Variants in DAB1 observed in about 807,000 individuals in gnomAD.
The protein encoded by DAB1 is DAB adaptor protein 1, also known as disabled homolog 1.
DAB1 carries 15 observed loss-of-function variants against 64.6 expected under a neutral mutation model. The ratio of observed to expected loss-of-function variants is 0.23; its 90% CI spans 0.16 to 0.36. The LOEUF (loss-of-function observed/expected upper bound fraction) is 0.36. DAB1 is among the 10% of genes least tolerant of loss of function. The pLI is 1.00. For missense variants in DAB1, 596 were observed against 706.7 expected, an observed-to-expected ratio of 0.84 and a Z score of 1.78; for synonymous variants, 235 against 251.9, an observed-to-expected ratio of 0.93 and a Z score of 0.64.
At chr1:57,520,210 G>C (rs1327879809) in intron 7 of DAB1, among the ~76,000 whole-genome samples, 2 of 152,164 alleles carry the variant, frequency 1.3e-5, no homozygotes, top group Non-Finnish European at 2.9e-5. Flanking sequence ...TGCTTCCCAA[G>C]AAGGGTTAAT....
chr1:58,151,450 G>C (rs1313321302), intron 4 of DAB1, among the ~76,000 whole-genome samples: 4 of 152,142 alleles, frequency 2.6e-5, no homozygotes, highest in Non-Finnish European at 4.4e-5. Context: ...CCAGTGATGA[G>C]AGCATTTTTT....
intron 1 of DAB1, among the ~76,000 whole-genome samples, chr1:57,854,009 T>C (rs189391397): frequency 2.6e-5 from 4 of 152,172 alleles, no homozygotes; most frequent in African/African-American, 7.2e-5. Context: ...TCAACACATA[T>C]ATAGAGTAAA....
chr1:58,274,487 G>A (rs917313974), intron 4 of DAB1, among the ~76,000 whole-genome samples: 1 of 137,046 alleles, frequency 7.3e-6, no homozygotes, highest in African/African-American at 2.8e-5. Context: ...CCCAGAGGTG[G>A]AGCCTACAGA....
chr1:57,244,222 G>A (rs750931018), intron 2 of DAB1, among the ~76,000 whole-genome samples: 14 of 152,010 alleles, frequency 9.2e-5, no homozygotes, highest in Admixed American at 1.3e-4. Flanking sequence ...TACCATGTTC[G>A]ATTCTCCGAA....
At chr1:58,469,750 T>C (rs1645335807) in intron 3 of DAB1, among the ~76,000 whole-genome samples, 1 of 152,244 alleles carries the variant, frequency 6.6e-6, no homozygotes, top group Admixed American at 6.5e-5. Context: ...GGGATTTGTC[T>C]TGCTGGAAAC....
Position 57,062,898 on chromosome 1 carries a change from T to G in DAB1, c.709A>C (p.Ser237Arg). 1 of 1,613,760 alleles carries G rather than the reference T, an allele frequency of 6.2e-7. No individual in the cohort carries two copies. The highest frequency in any genetic ancestry group is 8.5e-7 in the Non-Finnish European group (1 of 1,179,646). ...GATGTACTTACACTTACAGGTTGAC[T>G]TTTTGGCACATCATAAACACCTTCC... The part of the protein sequence containing the change: ...KKEGVYDVPK[S>R]QPVSAVTQLE... Residue 237 changes from serine (S) to arginine (R), a missense_variant, in exon 9 of 15, where the codon AGT becomes CGT. Transcript: ENST00000371236.
At chr1:58,321,127 G>C (rs1662672517) in intron 4 of DAB1, among the ~76,000 whole-genome samples, 1 of 152,080 alleles carries the variant, frequency 6.6e-6, no homozygotes, top group Non-Finnish European at 1.5e-5. Context: ...ATCCCCTCTT[G>C]CCTTCTCAGA....
At chr1:57,211,018 G>T (rs919339294) in intron 2 of DAB1, among the ~76,000 whole-genome samples, 3 of 152,030 alleles carry the variant, frequency 2.0e-5, no homozygotes, top group African/African-American at 7.3e-5. Context: ...TTTACACCTG[G>T]GTGCATTTCA....
intron 2 of DAB1, among the ~76,000 whole-genome samples, chr1:57,167,051 A>G (rs995566059): frequency 6.6e-5 from 10 of 152,224 alleles, no homozygotes; most frequent in Admixed American, 5.9e-4. Flanking sequence ...ATTATTACAT[A>G]GTCATAACTG....
intron 4 of DAB1, chr1:58,228,817 G>T: frequency 1.4e-6 from 1 of 701,288 alleles, no homozygotes; most frequent in South Asian, 1.4e-5. Context: ...ATCCAGTCCA[G>T]GTAGACATAA....
At chr1:57,385,382 G>A (rs771830262) in intron 1 of DAB1, among the ~76,000 whole-genome samples, 59 of 152,316 alleles carry the variant, frequency 3.9e-4, no homozygotes, top group Admixed American at 1.5e-3. Context: ...GCAAGAAGAC[G>A]TGTGGCAGGA....
At chr1:57,988,317 G>GC (rs985378750) in intron 5 of DAB1, among the ~76,000 whole-genome samples, 17 of 152,140 alleles carry the variant, frequency 1.1e-4, no homozygotes, top group South Asian at 2.1e-4. Flanking sequence ...TACCAATTCT[G>GC]CCCCCCCACT....
chr1:58,123,910 TAC>T (rs749159861), intron 5 of DAB1, among the ~76,000 whole-genome samples: 59 of 151,712 alleles, frequency 3.9e-4, no homozygotes, highest in African/African-American at 1.4e-3. Flanking sequence ...CATATACTAA[TAC>T]ACACACACAC....
At chr1:58,335,304 A>C (rs60822172) in intron 4 of DAB1, among the ~76,000 whole-genome samples, 129 of 152,362 alleles carry the variant, frequency 8.5e-4, no homozygotes, top group African/African-American at 2.9e-3. Context: ...AGAGGGAAAA[A>C]GAATTAAATG....
At chr1:57,647,912 T>G (rs1449035037) in intron 7 of DAB1, among the ~76,000 whole-genome samples, 2 of 152,204 alleles carry the variant, frequency 1.3e-5, no homozygotes, top group Non-Finnish European at 2.9e-5. Context: ...AAGCTTTTAC[T>G]CCATTGCTCT....
chr1:58,070,935 T>A lies in DAB1; in HGVS notation n.387+79576A>T, dbSNP rs549441298. 2.0e-5 allele frequency among the ~76,000 whole-genome samples: 3 copies of A among 152,238 alleles called. No homozygotes were observed. In the South Asian group the frequency reaches 6.2e-4, roughly 32 times the overall value. The stretch of plus-strand genomic sequence containing the variant: ...GTCAGGTGCCTGAGAGTGATCCAGG[T>A]GGAGACGCCCAGTTCACAAGTTTCC... On this transcript the variant is annotated intron_variant and non_coding_transcript_variant, in intron 5 of 20. Coordinates refer to the DAB1 transcript ENST00000485760.
rs75667605 is a variant in DAB1, at chr1:58,238,064, C to T, written n.310-87476G>A. Among the ~76,000 whole-genome samples the T allele has an allele frequency of 3.8e-3, 581 of 152,264 alleles. 3 individuals are homozygous for T. Among genetic ancestry groups the T allele is most frequent in the Middle Eastern group, 0.017 (5 of 294 alleles). ...AAAGCCCATGTCCTTTGGCAGTACC[C>T]CGTAATTCATTATTGTATTCATTTG... On this transcript the variant is annotated intron_variant and non_coding_transcript_variant, in intron 4 of 20. Transcript: ENST00000485760.
chr1:57,389,505 G>C (rs1778032), intron 1 of DAB1, among the ~76,000 whole-genome samples: 60,491 of 151,866 alleles, frequency 0.4, 12,509 homozygotes, highest in African/African-American at 0.43. Flanking sequence ...TAGTTCCTGT[G>C]GCCCTGCCTC....
chr1:57,019,894 G>C (rs1223451881), intron 11 of DAB1, among the ~76,000 whole-genome samples: 1 of 152,192 alleles, frequency 6.6e-6, no homozygotes, highest in Non-Finnish European at 1.5e-5. Flanking sequence ...GACACCTGGG[G>C]ATGCCCCCAT....
Sources: allele counts gnomAD v4.1 joint callset (sites outside exome capture counted in the v4.1 genomes callset), GRCh38; gene constraint gnomAD v4.1.1; transcripts MANE v1.5; gene names NCBI Gene and HGNC (gene_info 2026-07-23, HGNC 2026-07-21).